STAB2: variants seen among roughly 807,000 people sequenced by gnomAD.
STAB2 encodes stabilin-2.
A neutral mutation model predicts 338.1 loss-of-function variants in STAB2; 288 were observed. That is an observed-to-expected ratio of 0.85 (90% confidence interval 0.77 to 0.94). STAB2 has a LOEUF of 0.94. STAB2 is among the 40% of genes least tolerant of loss of function. STAB2 has a pLI of 0.00. For synonymous variants in STAB2, 1,202 were observed against 1,193.3 expected, an observed-to-expected ratio of 1.01 and a Z score of -0.15; for missense variants, 3,141 against 3,210.1, an observed-to-expected ratio of 0.98 and a Z score of 0.52.
At chr12:103,731,099 G>A (rs1448196913) in intron 49 of STAB2, among the ~76,000 whole-genome samples, 1 of 151,988 alleles carries the variant, frequency 6.6e-6, no homozygotes, top group African/African-American at 2.4e-5. Flanking sequence ...ACACACGAAG[G>A]GTGAACACCT....
rs988012694 is a variant in STAB2 at position 103,733,057 on chromosome 12, C to G, written c.5335C>G (p.Leu1779Val). 6.2e-7 allele frequency: 1 copy of G among 1,614,122 alleles called. No individual in the cohort carries two copies. The highest frequency in any genetic ancestry group is 8.5e-7 in the Non-Finnish European group (1 of 1,180,006). The change falls in exon 51 of 69, where the codon CTC becomes GTC. Residue 1779 changes from leucine (L) to valine (V), a missense_variant. Leu to Val is a conservative substitution (Grantham distance 32, BLOSUM62 1). Transcript: ENST00000388887. ...ITDPIHTPVT[L>V]FWPTDQALHA... ...CGATCCCATCCACACCCCAGTCACT[C>G]TCTTCTGGCCCACCGACCAAGCCCT...
At chr12:103,740,782 A>G (rs1344656782) in intron 55 of STAB2, 26 bp downstream of exon 55, 14 of 1,551,846 alleles carry the variant, frequency 9.0e-6, no homozygotes, top group Non-Finnish European at 1.1e-5. Flanking sequence ...CCCCCCTCGC[A>G]ACTCTAAAAG....
In STAB2 at chr12:103,725,604, GTGTGTGTGCT is replaced by G. The variant is rs1439834545; in HGVS notation, c.4804-502_4804-493del. On this transcript the variant is annotated intron_variant, in intron 45 of 68. Coordinates refer to ENST00000388887, the MANE Select transcript of STAB2 (RefSeq NM_017564.10). The stretch of plus-strand genomic sequence containing the variant: ...TACACGTGTGTGTGCATGTGTGTAC[GTGTGTGTGCT>G]TGTGTGTGCATGCAGGTGCATATGT... 4.0e-5 allele frequency among the ~76,000 whole-genome samples: 6 copies of G among 151,738 alleles called. No homozygotes were observed. The East Asian group carries it at 9.8e-4, about 25-fold the overall frequency.
intron 37 of STAB2, among the ~76,000 whole-genome samples, chr12:103,706,303 C>A (rs1229455726): frequency 6.6e-6 from 1 of 152,100 alleles, no homozygotes; most frequent in African/African-American, 2.4e-5. Flanking sequence ...GCAAGGCAAA[C>A]CCAAGCAGAC....
At chr12:103,735,375 TATTATAACTCG>T in intron 51 of STAB2, 105 bp from the exon 52 acceptor site, 4 of 592,282 alleles carry the variant, frequency 6.8e-6, no homozygotes, top group Non-Finnish European at 1.2e-5. Flanking sequence ...AAGCTAAAGT[TATTATAACTCG>T]TGGAAAAATT....
At chr12:103,652,293 C>A (rs904255827) in intron 11 of STAB2, among the ~76,000 whole-genome samples, 7 of 152,222 alleles carry the variant, frequency 4.6e-5, no homozygotes, top group Admixed American at 4.6e-4. Flanking sequence ...AAAGCAACCT[C>A]CCCTGGTTTG....
At chr12:103,662,745 A>G in intron 17 of STAB2, 101 bp from the exon 18 acceptor site, 1 of 1,407,674 alleles carries the variant, frequency 7.1e-7, no homozygotes, top group Non-Finnish European at 9.6e-7. Context: ...GATGTTGAGG[A>G]CTTTTTAGCA....
chr12:103,754,553 GATGATGGTGGTTGTGGTGATTATGATA>G (rs969902878), intron 61 of STAB2, among the ~76,000 whole-genome samples: 1 of 152,144 alleles, frequency 6.6e-6, no homozygotes, highest in African/African-American at 2.4e-5. Flanking sequence ...GTCTTATGAT[GATGATGGTGGTTGTGGTGATTATGATA>G]ATGGTGGTGG....
intron 42 of STAB2, 59 bp from the exon 43 acceptor site, chr12:103,715,756 G>A: frequency 6.2e-7 from 1 of 1,603,734 alleles, no homozygotes; most frequent in Admixed American, 1.7e-5. Context: ...CCCTCAAGCT[G>A]GCTTCACTTG....
At chr12:103,739,526 CCTGT>C in intron 54 of STAB2, 58 bp downstream of exon 54, 6 of 1,028,554 alleles carry the variant, frequency 5.8e-6, no homozygotes, top group South Asian at 3.7e-5. Context: ...CATTATCAGA[CCTGT>C]GTGTGTGTGT....
intron 31 of STAB2, among the ~76,000 whole-genome samples, chr12:103,694,933 C>G (rs1279955658): frequency 6.6e-6 from 1 of 151,868 alleles, no homozygotes; most frequent in Non-Finnish European, 1.5e-5. Context: ...GTGGTGGAGC[C>G]TATAATGAAA....
At chr12:103,734,331 A>G (rs1180752066) in intron 51 of STAB2, among the ~76,000 whole-genome samples, 1 of 151,746 alleles carries the variant, frequency 6.6e-6, no homozygotes, top group Non-Finnish European at 1.5e-5. Context: ...GGGAGCAAGC[A>G]TGATCACATG....
chr12:103,675,850 C>T, intron 23 of STAB2, 78 bp from the exon 24 acceptor site: 1 of 1,173,820 alleles, frequency 8.5e-7, no homozygotes. Flanking sequence ...CAGGAACTGG[C>T]TCATCTCTAG....
Position 103,766,575 on chromosome 12 carries a change from A to ACCTGCTCCATTCTGC in STAB2, c.*243_*257dup. 1 of 503,552 alleles carries ACCTGCTCCATTCTGC rather than the reference A, an allele frequency of 2.0e-6. No homozygotes were observed. The allele number at this position is 503,552 out of a possible 1,614,324, so 31.2% of individuals were successfully genotyped here. ...TCTTCCTTTGTACTCTTCAGCTGGCACCTGCTCCATTCTGCCCTACATGAT... is the reference window on the plus strand; with the variant it reads ...TCTTCCTTTGTACTCTTCAGCTGGCACCTGCTCCATTCTGCCCTGCTCCATTCTGCCCTACATGAT... On this transcript the variant is annotated 3_prime_UTR_variant, in exon 69 of 69. Coordinates refer to ENST00000388887, the MANE Select transcript of STAB2 (RefSeq NM_017564.10).
At chr12:103,624,570 C>T (rs1426137483) in intron 5 of STAB2, among the ~76,000 whole-genome samples, 3 of 152,208 alleles carry the variant, frequency 2.0e-5, no homozygotes, top group Non-Finnish European at 4.4e-5. Flanking sequence ...TCCCTAGCAT[C>T]CCCTAATCAT....
intron 47 of STAB2, among the ~76,000 whole-genome samples, chr12:103,727,665 A>T (rs769570506): frequency 5.3e-5 from 8 of 152,226 alleles, no homozygotes; most frequent in Non-Finnish European, 1.2e-4. Context: ...GGAGGGAGAG[A>T]TGCTGGGTTA....
In STAB2 at chr12:103,587,324, A is replaced by G. The variant is rs895850842; in HGVS notation, c.-153A>G. 7 of 668,144 alleles carry G rather than the reference A, an allele frequency of 1.0e-5. No homozygotes were observed. The highest frequency in any genetic ancestry group is 1.8e-5 in the Non-Finnish European group (7 of 396,124). 41.4% of individuals were successfully genotyped at this position (668,144 alleles called of 1,614,324 possible). ...TCCTTTCTGAAGGCAGGTCTCACCTATCTCCTGGTTCGATCTAGGAAAAAG... is the reference window on the plus strand; with the variant it reads ...TCCTTTCTGAAGGCAGGTCTCACCTGTCTCCTGGTTCGATCTAGGAAAAAG... On this transcript the variant is annotated 5_prime_UTR_variant, in exon 1 of 69. Coordinates refer to ENST00000388887, the MANE Select transcript of STAB2 (RefSeq NM_017564.10).
At chr12:103,759,025 G>T (rs1293372762) in intron 64 of STAB2, 108 bp from the exon 65 acceptor site, 10 of 1,577,348 alleles carry the variant, frequency 6.3e-6, no homozygotes, top group Non-Finnish European at 8.7e-6. Flanking sequence ...CATGGAGGCA[G>T]GAAAGCCTAG....
At chr12:103,652,949 T>C (rs995393097) in intron 12 of STAB2, among the ~76,000 whole-genome samples, 3 of 152,234 alleles carry the variant, frequency 2.0e-5, no homozygotes, top group Admixed American at 1.3e-4. Flanking sequence ...TGGTCTGATT[T>C]AGTTTTCAAG....
Sources: gnomAD v4.1 joint callset for allele counts (sites outside exome capture counted in the v4.1 genomes callset) on GRCh38, gnomAD v4.1.1 for gene constraint, MANE v1.5 for transcripts, NCBI Gene and HGNC (gene_info 2026-07-23, HGNC 2026-07-21) for gene names.